Variants in VPS41 observed in about 807,000 individuals in gnomAD.
VPS41 encodes VPS41 subunit of HOPS complex, also known as vacuolar protein sorting-associated protein 41 homolog.
Under a neutral mutation model 130.9 loss-of-function variants are expected in VPS41, and 85 were observed. That is an observed-to-expected ratio of 0.65 (90% CI 0.55 to 0.78). The LOEUF is 0.78. Among genes scored for constraint, VPS41 ranks in the 30% least tolerant of loss-of-function variants. VPS41 has a pLI of 0.00. For missense variants in VPS41, 874 were observed against 1,018.7 expected, an observed-to-expected ratio of 0.86 and a Z score of 1.93; for synonymous variants, 335 against 332.9, an observed-to-expected ratio of 1.01 and a Z score of -0.07.
chr7:38,752,134 C>T (rs774698262), intron 22 of VPS41, 42 bp downstream of exon 22: 5 of 1,610,920 alleles, frequency 3.1e-6, no homozygotes, highest in South Asian at 2.2e-5. Flanking sequence ...CAATGACAAC[C>T]TCTTCATCCA....
intron 22 of VPS41, among the ~76,000 whole-genome samples, chr7:38,748,556 T>C (rs1207217645): frequency 6.6e-6 from 1 of 150,814 alleles, no homozygotes; most frequent in Non-Finnish European, 1.5e-5. Context: ...CTATTAGATA[T>C]GAGAGCGATC....
intron 25 of VPS41, among the ~76,000 whole-genome samples, chr7:38,737,352 C>CA (rs1238846252): frequency 2.0e-5 from 3 of 152,006 alleles, no homozygotes; most frequent in African/African-American, 7.3e-5. Flanking sequence ...AGCCTGGCGA[C>CA]AGAGCAAGAC....
At chr7:38,849,635 C>T (rs6462871) in intron 4 of VPS41, among the ~76,000 whole-genome samples, 141,909 of 152,240 alleles carry the variant, frequency 0.93, 66,296 homozygotes, top group East Asian at 1. Context: ...CCGGTGCCTG[C>T]TGGCATGCTC....
At chr7:38,769,797 C>T (rs1311519271) in intron 14 of VPS41, among the ~76,000 whole-genome samples, 2 of 152,308 alleles carry the variant, frequency 1.3e-5, no homozygotes, top group African/African-American at 2.4e-5. Context: ...GATTAGGAAG[C>T]CTCCTGATTG....
chr7:38,817,891 G>A lies in VPS41; in HGVS notation c.385-9C>T. The A allele has an allele frequency of 6.2e-7, 1 of 1,613,332 alleles. No homozygotes were observed. The highest frequency in any genetic ancestry group is 1.1e-5 in the South Asian group (1 of 91,068). ...GGGTGCACAGCAATAATCTACAAGA[G>A]AAACAGAACCCAACTCTGGTTTAGG... On this transcript the variant is annotated splice_polypyrimidine_tract_variant and intron_variant, in intron 6 of 28. Transcript: ENST00000310301.
In VPS41 at chr7:38,763,002, T is replaced by A. The variant is rs567646210; in HGVS notation, c.1422+453A>T. ...ATCATGTGCAATAACTGTAACAGAA[T>A]CATAAAAACAATAAATTTTTTTAAA... On this transcript the variant is annotated intron_variant, in intron 17 of 28. Coordinates refer to ENST00000310301, the MANE Select transcript of VPS41 (RefSeq NM_014396.4). 2.0e-5 allele frequency among the ~76,000 whole-genome samples: 3 copies of A among 152,264 alleles called. No individual in the cohort carries two copies. The East Asian group carries it at 5.8e-4, about 29-fold the overall frequency.
At chr7:38,742,255 G>A (rs551823357) in intron 24 of VPS41, 134 bp from the exon 25 acceptor site, 7 of 790,830 alleles carry the variant, frequency 8.9e-6, no homozygotes, top group African/African-American at 3.6e-5. Context: ...CAAAGTAAGT[G>A]TTAAAACCAT....
At chr7:38,891,592 C>T (rs1050753430) in intron 2 of VPS41, among the ~76,000 whole-genome samples, 1 of 152,214 alleles carries the variant, frequency 6.6e-6, no homozygotes, top group Non-Finnish European at 1.5e-5. Flanking sequence ...CCTCTGTCTG[C>T]AAAGCTTTTA....
At chr7:38,901,167 C>CTTATATATATTCCACTTATACTCTATTT (rs1332102897) in intron 1 of VPS41, among the ~76,000 whole-genome samples, 10 of 152,080 alleles carry the variant, frequency 6.6e-5, no homozygotes, top group African/African-American at 2.4e-4. Flanking sequence ...ACTTATATAA[C>CTTATATATATTCCACTTATACTCTATTT]ACAGAAGTAA....
chr7:38,754,745 T>C lies in VPS41; in HGVS notation c.1745A>G (p.Lys582Arg). 1 of 1,612,718 alleles carries C rather than the reference T, an allele frequency of 6.2e-7. No homozygotes were observed. The highest frequency in any genetic ancestry group is 2.2e-5 in the East Asian group (1 of 44,738). Reference protein sequence around the residue: ...LDNEDKISIKKVVEELEDRPE... With the variant: ...LDNEDKISIKRVVEELEDRPE... ...TCTGTCTTCCAATTCTTCCACTACC[T>C]TTTTAATCTAGATAAAAAAGAAAAG... Residue 582 changes from lysine to arginine, a missense_variant, in exon 21 of 29, where the codon AAG becomes AGG. Coordinates refer to ENST00000310301, the MANE Select transcript of VPS41 (RefSeq NM_014396.4).
intron 17 of VPS41, among the ~76,000 whole-genome samples, chr7:38,761,450 ATT>A (rs201050545): frequency 1.8e-4 from 25 of 135,608 alleles, no homozygotes; most frequent in East Asian, 6.2e-4. Flanking sequence ...TAATTTTTGT[ATT>A]TTTTTTTTTT....
At chr7:38,903,911 G>A (rs1423828613) in intron 1 of VPS41, among the ~76,000 whole-genome samples, 1 of 152,080 alleles carries the variant, frequency 6.6e-6, no homozygotes, top group African/African-American at 2.4e-5. Flanking sequence ...AAATCTTGAC[G>A]TGTGCCCCAG....
intron 13 of VPS41, 87 bp downstream of exon 13, chr7:38,772,435 A>G (rs1271416379): frequency 1.1e-6 from 1 of 932,324 alleles, no homozygotes; most frequent in East Asian, 2.9e-5. Flanking sequence ...CTTTGACTAC[A>G]TAAAAGATTT....
At chr7:38,883,682 A>G (rs1484116407) in intron 2 of VPS41, among the ~76,000 whole-genome samples, 2 of 145,888 alleles carry the variant, frequency 1.4e-5, no homozygotes, top group Non-Finnish European at 3.0e-5. Context: ...CCAATCTTGG[A>G]CTGCCTAAAA....
In VPS41 at chr7:38,808,416, G is replaced by T. The variant is rs73357746; in HGVS notation, c.450+9401C>A. On this transcript the variant is annotated intron_variant, in intron 7 of 28. Coordinates refer to ENST00000310301, the MANE Select transcript of VPS41 (RefSeq NM_014396.4). ...GTGTTTTACTTCCTGCTAATCAATG[G>T]TTTTTAATCAATTTTGGTACATTGA... Among the ~76,000 whole-genome samples the T allele has an allele frequency of 2.7e-3, 414 of 152,160 alleles. 3 individuals are homozygous for T. Among genetic ancestry groups the T allele is most frequent in the African/African-American group, 9.7e-3 (401 of 41,506 alleles).
At position 38,813,917 on chromosome 7, in the gene VPS41, A is replaced by G. The variant is rs112782477; in HGVS notation, c.450+3900T>C. On this transcript the variant is annotated intron_variant, in intron 7 of 28. Coordinates refer to ENST00000310301, the MANE Select transcript of VPS41 (RefSeq NM_014396.4). Reference sequence around the variant, plus strand: ...ATTACTCTCTCATAGAAAACTGAACATAGAACAGCTTGTCAAGTAGTCAGT... The same window carrying G: ...ATTACTCTCTCATAGAAAACTGAACGTAGAACAGCTTGTCAAGTAGTCAGT... Among the ~76,000 whole-genome samples, 1,410 of 152,364 alleles carry G rather than the reference A, an allele frequency of 9.3e-3. 12 individuals carry two copies. The highest frequency in any genetic ancestry group is 0.015 in the Non-Finnish European group (1,033 of 68,042).
chr7:38,820,307 C>T (rs977121946), intron 6 of VPS41, among the ~76,000 whole-genome samples: 1 of 152,148 alleles, frequency 6.6e-6, no homozygotes, highest in African/African-American at 2.4e-5. Context: ...GTTTAAATCA[C>T]CCTCCACTCT....
Position 38,745,809 on chromosome 7 carries a change from A to G in VPS41, c.1927-196T>C, listed in dbSNP as rs541063563. On this transcript the variant is annotated intron_variant, in intron 22 of 28. Coordinates refer to ENST00000310301, the MANE Select transcript of VPS41 (RefSeq NM_014396.4). ...TCTCAGAGGTACTGGACTCTACACA[A>G]TTCAATTTAAAACATATTTGAAGCT... 98 of 538,428 alleles carry G rather than the reference A, an allele frequency of 1.8e-4. 1 individual carries two copies. In the South Asian group the frequency reaches 2.2e-3, roughly 12 times the overall value. The allele number at this position is 538,428 out of a possible 1,614,324, so 33.4% of individuals were successfully genotyped here.
intron 11 of VPS41, 30 bp downstream of exon 11, chr7:38,776,649 T>C (rs1784264635): frequency 1.5e-6 from 2 of 1,296,388 alleles, no homozygotes; most frequent in Non-Finnish European, 2.2e-6. Context: ...AACCCCCACA[T>C]GCCTTTGTAT....
Sources: gnomAD v4.1 joint callset for allele counts (sites outside exome capture counted in the v4.1 genomes callset) on GRCh38, gnomAD v4.1.1 for gene constraint, MANE v1.5 for transcripts, NCBI Gene and HGNC (gene_info 2026-07-23, HGNC 2026-07-21) for gene names.